Variants in LIPC observed in about 807,000 individuals in gnomAD.
The protein encoded by LIPC is hepatic triacylglycerol lipase.
In LIPC, 44 loss-of-function variants were observed where a neutral mutation model predicts 50.7. That is an observed-to-expected ratio of 0.87 (90% confidence interval 0.68 to 1.11). LIPC has a LOEUF of 1.11. LIPC is among the 50% of genes most tolerant of loss of function. LIPC has a pLI of 0.00. For missense variants in LIPC, 697 were observed against 648.2 expected, an observed-to-expected ratio of 1.08 and a Z score of -0.82; for synonymous variants, 271 against 256.4, an observed-to-expected ratio of 1.06 and a Z score of -0.54.
intron 1 of LIPC, among the ~76,000 whole-genome samples, chr15:58,441,164 C>T (rs532824893): frequency 5.3e-5 from 8 of 152,338 alleles, no homozygotes; most frequent in African/African-American, 1.9e-4. Flanking sequence ...TCACCTGGCC[C>T]TACACCCGCA....
chr15:58,515,533 C>CACACACAT (rs147594972), intron 1 of LIPC, among the ~76,000 whole-genome samples: 1,855 of 141,730 alleles, frequency 0.013, 49 homozygotes, highest in African/African-American at 0.046. Flanking sequence ...TATACACACA[C>CACACACAT]ATATATATAT....
chr15:58,523,864 G>T (rs558002656), intron 1 of LIPC, among the ~76,000 whole-genome samples: 2 of 151,768 alleles, frequency 1.3e-5, no homozygotes, highest in East Asian at 3.9e-4. Flanking sequence ...GAGCCCAAGA[G>T]GTCAAGGCTG....
chr15:58,435,105 AATG>A (rs1331197985), intron 1 of LIPC: 6 of 152,242 alleles, frequency 3.9e-5, no homozygotes, highest in Admixed American at 1.3e-4. Flanking sequence ...CACTTTTTAA[AATG>A]ATAATAAACC....
chr15:58,563,731 C>T lies in LIPC; in HGVS notation c.1388+8C>T, dbSNP rs971112188. 1 of 1,608,554 alleles carries T rather than the reference C, an allele frequency of 6.2e-7. No homozygotes were observed. The highest frequency in any genetic ancestry group is 8.5e-7 in the Non-Finnish European group (1 of 1,177,062). ...AGGAGAAACCCAGCAAAGGTGACTG[C>T]TGATTCAATCTCCTATTAACGTCCA... On this transcript the variant is annotated splice_region_variant and intron_variant, in intron 8 of 8. Coordinates refer to ENST00000299022, the MANE Select transcript of LIPC (RefSeq NM_000236.3).
chr15:58,445,175 C>G (rs1893648853), intron 1 of LIPC, among the ~76,000 whole-genome samples: 1 of 152,198 alleles, frequency 6.6e-6, no homozygotes. Flanking sequence ...GACTTTCTGG[C>G]AGCATAAGCA....
intron 1 of LIPC, among the ~76,000 whole-genome samples, chr15:58,513,692 GTGT>G (rs1385448615): frequency 1.3e-5 from 2 of 152,188 alleles, no homozygotes; most frequent in Admixed American, 6.5e-5. Flanking sequence ...AAAGGATAAG[GTGT>G]TGTATGCCAC....
At chr15:58,461,793 C>A (rs11631153) in intron 1 of LIPC, among the ~76,000 whole-genome samples, 7,081 of 152,122 alleles carry the variant, frequency 0.047, 253 homozygotes, top group East Asian at 0.11. Flanking sequence ...CCCCTCCAGA[C>A]CTCTGCCTTT....
intron 6 of LIPC, among the ~76,000 whole-genome samples, chr15:58,559,702 C>CAT (rs373261346): frequency 0.057 from 651 of 11,430 alleles, 4 homozygotes; most frequent in South Asian, 0.18. Context: ...GACCCTGTCT[C>CAT]AAAAAAAAAA....
chr15:58,454,132 C>T (rs1894020736), intron 1 of LIPC, among the ~76,000 whole-genome samples: 1 of 152,144 alleles, frequency 6.6e-6, no homozygotes, highest in African/African-American at 2.4e-5. Context: ...CTCCTGAGCA[C>T]CTGTTCTCTC....
At chr15:58,564,223 C>T (rs945966123) in intron 8 of LIPC, among the ~76,000 whole-genome samples, 1 of 151,380 alleles carries the variant, frequency 6.6e-6, no homozygotes, top group African/African-American at 2.4e-5. Context: ...ACTGGGAAGC[C>T]AAACACATTT....
At chr15:58,433,011 G>T (rs560718667) in intron 1 of LIPC, among the ~76,000 whole-genome samples, 9 of 152,216 alleles carry the variant, frequency 5.9e-5, no homozygotes, top group African/African-American at 2.2e-4. Context: ...GAAAAAGGCT[G>T]TTCCTTTGTA....
intron 2 of LIPC, among the ~76,000 whole-genome samples, chr15:58,541,456 G>GGT (rs1297281385): frequency 2.0e-5 from 3 of 148,646 alleles, no homozygotes; most frequent in Admixed American, 6.7e-5. Flanking sequence ...AAGTCCCTAA[G>GGT]AGGAAAAACA....
chr15:58,444,706 C>G (rs1893629614), intron 1 of LIPC, among the ~76,000 whole-genome samples: 1 of 152,206 alleles, frequency 6.6e-6, no homozygotes, highest in Non-Finnish European at 1.5e-5. Context: ...CCTTATTTCA[C>G]CCAAATCACC....
intron 1 of LIPC, among the ~76,000 whole-genome samples, chr15:58,526,906 T>C (rs1479649986): frequency 6.6e-6 from 1 of 152,186 alleles, no homozygotes; most frequent in Non-Finnish European, 1.5e-5. Context: ...CCCAAGGCCA[T>C]ACAGCTAATA....
chr15:58,513,342 A>C (rs1429515692), intron 1 of LIPC, among the ~76,000 whole-genome samples: 1 of 152,240 alleles, frequency 6.6e-6, no homozygotes, highest in African/African-American at 2.4e-5. Context: ...AGGACAAACT[A>C]GAAGAAACTC....
chr15:58,516,845 G>T (rs1409245630), intron 1 of LIPC, among the ~76,000 whole-genome samples: 2 of 151,958 alleles, frequency 1.3e-5, no homozygotes, highest in African/African-American at 4.8e-5. Context: ...CTTCATTATG[G>T]GTTGTATTTT....
chr15:58,535,783 A>C (rs1166644280), intron 1 of LIPC, among the ~76,000 whole-genome samples: 1 of 152,256 alleles, frequency 6.6e-6, no homozygotes, highest in Admixed American at 6.5e-5. Context: ...CTCATAAGAT[A>C]GGCACTATTT....
chr15:58,546,584 A>C (rs551981322), intron 5 of LIPC, among the ~76,000 whole-genome samples: 1 of 152,358 alleles, frequency 6.6e-6, no homozygotes, highest in East Asian at 1.9e-4. Context: ...CTAAAACCGA[A>C]ATATTAACAT....
At chr15:58,494,163 A>G (rs1891687643) in intron 1 of LIPC, among the ~76,000 whole-genome samples, 1 of 152,252 alleles carries the variant, frequency 6.6e-6, no homozygotes, top group African/African-American at 2.4e-5. Flanking sequence ...CTTCTCCCAC[A>G]GCAAGAGAGA....
Sources: allele counts gnomAD v4.1 joint callset (sites outside exome capture counted in the v4.1 genomes callset), GRCh38; gene constraint gnomAD v4.1.1; transcripts MANE v1.5; gene names NCBI Gene and HGNC (gene_info 2026-07-23, HGNC 2026-07-21).